Variants in PALD1 observed in about 807,000 individuals in gnomAD.
The protein encoded by PALD1 is phosphatase domain containing paladin 1.
In PALD1, 57 loss-of-function variants were observed where a neutral mutation model predicts 96.0. That is an observed-to-expected ratio of 0.59 (90% confidence interval 0.48 to 0.74). PALD1 has a LOEUF of 0.74. Among genes scored for constraint, PALD1 ranks in the 30% least tolerant of loss-of-function variants. The pLI is 0.00. For synonymous variants in PALD1, 464 were observed against 473.6 expected (o/e 0.98, Z 0.26); for missense variants, 1,063 against 1,143.7 (o/e 0.93, Z 1.02).
chr10:70,473,045 G>A, the PALD1 span, among the ~76,000 whole-genome samples: 1 of 152,194 alleles, frequency 6.6e-6, no homozygotes, highest in Non-Finnish European at 1.5e-5. Context: ...ACAGCTAAGT[G>A]GCAGAAACCA....
At chr10:70,498,429 G>A (rs968318622) in intron 1 of PALD1, among the ~76,000 whole-genome samples, 3 of 152,070 alleles carry the variant, frequency 2.0e-5, no homozygotes, top group East Asian at 1.9e-4. Context: ...ACAGGAGTGT[G>A]CGCCACACCT....
In PALD1 at chr10:70,539,254, CCCCCTGCCCTCTAGGCA is replaced by C; in HGVS notation, c.1725+16_1725+32del. The C allele has an allele frequency of 6.2e-7, 1 of 1,603,120 alleles. No homozygotes were observed. Among genetic ancestry groups the C allele is most frequent in the Non-Finnish European group, 8.5e-7 (1 of 1,175,660 alleles). On this transcript the variant is annotated splice_region_variant and intron_variant, in intron 14 of 19. Transcript: ENST00000263563. The surrounding 1 kb of genome is among the most constrained non-coding windows in gnomAD (Gnocchi z 4.5). The stretch of plus-strand genomic sequence containing the variant: ...GGCTCCTGACCAGCTGGAGGTGAGG[CCCCCTGCCCTCTAGGCA>C]CCCCTGCCTCCGAGGCTTCTGGGGA...
At chr10:70,488,510 C>G (rs1846047958) in intron 1 of PALD1, among the ~76,000 whole-genome samples, 1 of 152,220 alleles carries the variant, frequency 6.6e-6, no homozygotes. Context: ...TCTCTCTGGT[C>G]CCCGTAGGTA....
chr10:70,526,329 C>T (rs1211490911), intron 2 of PALD1, among the ~76,000 whole-genome samples, 193 bp downstream of exon 2: 1 of 152,208 alleles, frequency 6.6e-6, no homozygotes, highest in Non-Finnish European at 1.5e-5. Flanking sequence ...GAGCTGGTCT[C>T]TGTCATGGGT....
chr10:70,533,769 G>C (rs571213661), intron 7 of PALD1, among the ~76,000 whole-genome samples, 153 bp from the exon 8 acceptor site: 1 of 152,354 alleles, frequency 6.6e-6, no homozygotes, highest in Non-Finnish European at 1.5e-5. Flanking sequence ...ATCAGGCTGT[G>C]GCTTTGGCAG....
intron 18 of PALD1, among the ~76,000 whole-genome samples, chr10:70,555,989 A>C (rs1376093969): frequency 1.3e-5 from 2 of 151,928 alleles, no homozygotes; most frequent in Admixed American, 6.6e-5. Context: ...TGACAGAGTG[A>C]GACTCCATCT....
At chr10:70,513,061 C>T (rs1365974366) in intron 1 of PALD1, among the ~76,000 whole-genome samples, 1 of 152,218 alleles carries the variant, frequency 6.6e-6, no homozygotes, top group African/African-American at 2.4e-5. Flanking sequence ...GAGGATGAAT[C>T]CTCTGGGTCC....
intron 1 of PALD1, among the ~76,000 whole-genome samples, chr10:70,499,231 AC>A (rs1316692355): frequency 6.6e-6 from 1 of 152,076 alleles, no homozygotes; most frequent in Non-Finnish European, 1.5e-5. Context: ...TGTGTTTCTG[AC>A]CCCAGCTCTG....
chr10:70,467,143 G>A, the PALD1 span, among the ~76,000 whole-genome samples: 1 of 152,166 alleles, frequency 6.6e-6, no homozygotes, highest in East Asian at 1.9e-4. Flanking sequence ...CCAGCTTCTG[G>A]GGGGTATGGG....
Position 70,531,263 on chromosome 10 carries a change from C to T in PALD1, c.469-27C>T, listed in dbSNP as rs200668089. ...TGTCTGTGCGGGATCATGATGATGG[C>T]TTCCTTCCCCCTCGGGCTCCTGGCA... On this transcript the variant is annotated intron_variant, in intron 4 of 19. Coordinates refer to ENST00000263563, the MANE Select transcript of PALD1 (RefSeq NM_014431.3). The T allele has an allele frequency of 1.2e-3, 1,975 of 1,600,146 alleles. 3 individuals carry two copies. The highest frequency in any genetic ancestry group is 1.6e-3 in the Non-Finnish European group (1,906 of 1,169,630).
At chr10:70,460,877 GA>G in the PALD1 span, among the ~76,000 whole-genome samples, 1 of 152,028 alleles carries the variant, frequency 6.6e-6, no homozygotes, top group Non-Finnish European at 1.5e-5. Context: ...CCAACGTGGA[GA>G]ACCCCGTCTC....
At chr10:70,553,223 C>T (rs10823565) in intron 18 of PALD1, among the ~76,000 whole-genome samples, 67,919 of 152,028 alleles carry the variant, frequency 0.45, 15,956 homozygotes, top group East Asian at 0.85. Context: ...GAGACTTCCC[C>T]TCAGGTGTGT....
At chr10:70,532,469 G>A (rs1847011675) in intron 5 of PALD1, 152 bp from the exon 6 acceptor site, 1 of 716,882 alleles carries the variant, frequency 1.4e-6, no homozygotes, top group African/African-American at 1.8e-5. Context: ...GAATGGCATA[G>A]AGAGCACTTC....
chr10:70,539,357 C>A lies in PALD1; in HGVS notation c.1725+110C>A, dbSNP rs929241865. On this transcript the variant is annotated intron_variant, in intron 14 of 19. Transcript: ENST00000263563. The surrounding 1 kb of genome is among the most constrained non-coding windows in gnomAD (Gnocchi z 4.5). ...CCGCAGACAGATGGAGAATCTGAGG[C>A]CCCGGGAGGAGCAGTGTCAGGGAGT... The A allele has an allele frequency of 1.7e-6, 2 of 1,210,744 alleles. No homozygotes were observed. The highest frequency in any genetic ancestry group is 1.5e-5 in the African/African-American group (1 of 65,826). 75.0% of individuals were successfully genotyped at this position (1,210,744 alleles called of 1,614,324 possible).
chr10:70,544,110 G>A (rs1358964486), intron 17 of PALD1, among the ~76,000 whole-genome samples: 4 of 152,198 alleles, frequency 2.6e-5, no homozygotes, highest in South Asian at 2.1e-4. Context: ...TCAATAGAGC[G>A]TGAAGAGGCC....
chr10:70,520,154 C>T (rs1442493042), intron 1 of PALD1, among the ~76,000 whole-genome samples: 1 of 151,986 alleles, frequency 6.6e-6, no homozygotes, highest in African/African-American at 2.4e-5. Context: ...ACGGGGTGGG[C>T]GTAGTGGCTG....
rs1347465682 is a variant in PALD1, at chr10:70,539,026, C to T, written c.1569+18C>T. On this transcript the variant is annotated intron_variant, in intron 13 of 19. Transcript: ENST00000263563. The surrounding 1 kb of genome is among the most constrained non-coding windows in gnomAD (Gnocchi z 4.5). ...GCGCCAAGGTGACCGGCCCTCAGGG[C>T]CTGGGTCCCCCAGTGGGTTTGGGGA... is the stretch of plus-strand genomic sequence containing the variant. The T allele has an allele frequency of 1.2e-6, 2 of 1,613,506 alleles. No individual in the cohort carries two copies. The highest frequency in any genetic ancestry group is 2.2e-5 in the East Asian group (1 of 44,878).
intron 1 of PALD1, among the ~76,000 whole-genome samples, chr10:70,498,831 G>C (rs1589176674): frequency 6.6e-6 from 1 of 151,974 alleles, no homozygotes; most frequent in East Asian, 1.9e-4. Flanking sequence ...TTGAGGCTGA[G>C]GCTGGAGAAT....
chr10:70,504,859 T>C (rs1006251003), intron 1 of PALD1, among the ~76,000 whole-genome samples: 3 of 152,244 alleles, frequency 2.0e-5, no homozygotes, highest in Non-Finnish European at 2.9e-5. Context: ...TTTCCTTTGA[T>C]CCTATGTAAA....
Sources: gnomAD v4.1 joint callset for allele counts (sites outside exome capture counted in the v4.1 genomes callset) on GRCh38, gnomAD v4.1.1 for gene constraint, Gnocchi (gnomAD v3.1) non-coding constraint, MANE v1.5 for transcripts, NCBI Gene and HGNC (gene_info 2026-07-23, HGNC 2026-07-21) for gene names.